The following CA8 variants were observed in gnomAD, a reference collection of about 807,000 sequenced individuals.
The protein encoded by CA8 is carbonic anhydrase-related protein.
In CA8, 22 loss-of-function variants were observed where a neutral mutation model predicts 41.4. That is an observed-to-expected ratio of 0.53 (90% CI 0.38 to 0.76). The LOEUF (loss-of-function observed/expected upper bound fraction) is 0.76. Ranked by LOEUF, CA8 falls within the 30% of genes least tolerant of loss-of-function variation. CA8 has a pLI of 0.00. For synonymous variants in CA8, 121 were observed against 130.6 expected (o/e 0.93, Z 0.50); for missense variants, 270 against 352.8 (o/e 0.77, Z 1.88).
chr8:60,271,487 G>T (rs1208879993), intron 2 of CA8, among the ~76,000 whole-genome samples: 2 of 152,140 alleles, frequency 1.3e-5, no homozygotes, highest in Non-Finnish European at 2.9e-5. Flanking sequence ...AATCAGCAAG[G>T]TTGCCAAGAA....
intron 8 of CA8, among the ~76,000 whole-genome samples, chr8:60,200,868 C>T (rs909752307): frequency 1.3e-5 from 2 of 152,140 alleles, no homozygotes; most frequent in African/African-American, 4.8e-5. Flanking sequence ...TATAGGTCTT[C>T]TTGTCTTTTA....
intron 4 of CA8, among the ~76,000 whole-genome samples, chr8:60,227,691 G>C (rs1807488974): frequency 6.6e-6 from 1 of 152,082 alleles, no homozygotes; most frequent in South Asian, 2.1e-4. Flanking sequence ...GTGTGATTTT[G>C]TATGTTAAAT....
rs1032356318 is a variant in CA8 at position 60,185,794 on chromosome 8, T to TA, written c.*4226dup. Among the ~76,000 whole-genome samples the TA allele has an allele frequency of 9.9e-5, 15 of 151,486 alleles. No individual in the cohort carries two copies. Among genetic ancestry groups the TA allele is most frequent in the Non-Finnish European group, 1.8e-4 (12 of 67,880 alleles). ...AGATTTGCCTTATATAAAAATATATTAAAAAAAGGACTTCTGCCTGGAATG... is the reference window on the plus strand; with the variant it reads ...AGATTTGCCTTATATAAAAATATATTAAAAAAAAGGACTTCTGCCTGGAATG... On this transcript the variant is annotated 3_prime_UTR_variant, in exon 9 of 9. Coordinates refer to ENST00000317995, the MANE Select transcript of CA8 (RefSeq NM_004056.6).
At chr8:60,227,479 G>A (rs1276495894) in intron 4 of CA8, among the ~76,000 whole-genome samples, 1 of 152,120 alleles carries the variant, frequency 6.6e-6, no homozygotes, top group African/African-American at 2.4e-5. Flanking sequence ...TCTCTTTACT[G>A]TGTATAGGAA....
In CA8 at chr8:60,186,438, C is replaced by A. The variant is rs112509544; in HGVS notation, c.*3583G>T. Among the ~76,000 whole-genome samples the A allele has an allele frequency of 1.8e-4, 27 of 149,182 alleles. No individual in the cohort carries two copies. Among genetic ancestry groups the A allele is most frequent in the African/African-American group, 5.9e-4 (24 of 40,678 alleles). On this transcript the variant is annotated 3_prime_UTR_variant, in exon 9 of 9. Coordinates refer to ENST00000317995, the MANE Select transcript of CA8 (RefSeq NM_004056.6). ...AAATAATTAAAGCAATTGAAATATACTAGAAAATATTCACCTAATTAAAAA... is the reference window on the plus strand; with the variant it reads ...AAATAATTAAAGCAATTGAAATATAATAGAAAATATTCACCTAATTAAAAA...
chr8:60,207,644 C>T (rs928850365), intron 8 of CA8, among the ~76,000 whole-genome samples: 6 of 152,222 alleles, frequency 3.9e-5, no homozygotes, highest in East Asian at 1.9e-4. Context: ...CTATAACCTG[C>T]GATTTCTATT....
intron 3 of CA8, among the ~76,000 whole-genome samples, chr8:60,261,200 C>G (rs1411457286): frequency 6.6e-6 from 1 of 152,140 alleles, no homozygotes; most frequent in African/African-American, 2.4e-5. Context: ...GCCTATTTTG[C>G]AACCAAGGCC....
chr8:60,279,538 C>T lies in CA8; in HGVS notation c.292+151G>A, dbSNP rs956261878. On this transcript the variant is annotated intron_variant, in intron 2 of 8. Transcript: ENST00000317995. The stretch of plus-strand genomic sequence containing the variant: ...TTCAAAATTGTTTCAGAAGGTAATT[C>T]CCAAAAATGCTTTATATTATAATAC... 2.8e-5 allele frequency: 19 copies of T among 677,856 alleles called. No homozygotes were observed. In the Middle Eastern group the frequency reaches 1.2e-3, roughly 43 times the overall value. The allele number at this position is 677,856 out of a possible 1,614,324, so 42.0% of individuals were successfully genotyped here.
chr8:60,208,714 T>C (rs1421185544), intron 8 of CA8, 36 bp downstream of exon 8: 1 of 1,566,914 alleles, frequency 6.4e-7, no homozygotes, highest in Non-Finnish European at 8.8e-7. Context: ...TTTAAGTAGC[T>C]GTGCACCTCA....
At chr8:60,250,485 C>G (rs1808404529) in intron 3 of CA8, among the ~76,000 whole-genome samples, 1 of 152,150 alleles carries the variant, frequency 6.6e-6, no homozygotes, top group Non-Finnish European at 1.5e-5. Flanking sequence ...TCGGTAAGCT[C>G]TCCACATTCT....
At chr8:60,254,670 T>C (rs1461109338) in intron 3 of CA8, among the ~76,000 whole-genome samples, 2 of 152,206 alleles carry the variant, frequency 1.3e-5, no homozygotes, top group African/African-American at 2.4e-5. Flanking sequence ...AGGGTCACAG[T>C]CTTTGAAAAG....
intron 3 of CA8, chr8:60,265,699 G>A: frequency 1.9e-6 from 1 of 537,898 alleles, no homozygotes. Context: ...ACTGTAGATT[G>A]CCTTTCTGGC....
At chr8:60,260,857 G>T (rs1390126065) in intron 3 of CA8, among the ~76,000 whole-genome samples, 1 of 152,168 alleles carries the variant, frequency 6.6e-6, no homozygotes, top group Non-Finnish European at 1.5e-5. Flanking sequence ...CAAACATGAA[G>T]TGCTATTTGA....
chr8:60,258,101 G>A (rs897221783), intron 3 of CA8, among the ~76,000 whole-genome samples: 125 of 152,158 alleles, frequency 8.2e-4, no homozygotes, highest in Admixed American at 2.6e-4. Flanking sequence ...TCTCTCCAGC[G>A]TCTCCACACT....
chr8:60,268,926 T>C (rs150887832), intron 2 of CA8, among the ~76,000 whole-genome samples: 3 of 152,326 alleles, frequency 2.0e-5, no homozygotes, highest in African/African-American at 7.2e-5. Flanking sequence ...GGAAGTGTTT[T>C]GCCCCAGCCT....
intron 3 of CA8, among the ~76,000 whole-genome samples, chr8:60,234,387 A>G (rs1178408816): frequency 6.6e-6 from 1 of 152,228 alleles, no homozygotes; most frequent in East Asian, 1.9e-4. Flanking sequence ...TACTAAGGAA[A>G]TCCAAATAAA....
Position 60,241,872 on chromosome 8 carries a change from G to A in CA8, c.418-9493C>T, listed in dbSNP as rs557956356. 2.0e-5 allele frequency among the ~76,000 whole-genome samples: 3 copies of A among 152,284 alleles called. No homozygotes were observed. The South Asian group carries it at 6.2e-4, about 32-fold the overall frequency. ...TTGTCAACGGGTCTTGTTATAGAATGTAAGTCATTTATAGATTGGATCTGT... is the reference window on the plus strand; with the variant it reads ...TTGTCAACGGGTCTTGTTATAGAATATAAGTCATTTATAGATTGGATCTGT... On this transcript the variant is annotated intron_variant, in intron 3 of 8. Transcript: ENST00000317995.
At chr8:60,212,404 T>G (rs1806868199) in intron 7 of CA8, among the ~76,000 whole-genome samples, 1 of 152,240 alleles carries the variant, frequency 6.6e-6, no homozygotes, top group Non-Finnish European at 1.5e-5. Flanking sequence ...GTCAGTATGC[T>G]CTATCCATTA....
intron 8 of CA8, among the ~76,000 whole-genome samples, chr8:60,192,616 C>T (rs1563516612): frequency 6.6e-6 from 1 of 152,054 alleles, no homozygotes; most frequent in Non-Finnish European, 1.5e-5. Context: ...CAACACCTGA[C>T]CCAAAGCACT....
Sources: allele counts gnomAD v4.1 joint callset (sites outside exome capture counted in the v4.1 genomes callset), GRCh38; gene constraint gnomAD v4.1.1; transcripts MANE v1.5; gene names NCBI Gene and HGNC (gene_info 2026-07-23, HGNC 2026-07-21).